Variants in NUDT19 observed in about 807,000 individuals in gnomAD.
The protein encoded by NUDT19 is acyl-coenzyme A diphosphatase NUDT19.
A neutral mutation model predicts 22.2 loss-of-function variants in NUDT19; 31 were observed. That is an observed-to-expected ratio of 1.40 (90% CI 1.05 to 1.89). NUDT19 has a LOEUF of 1.89. Among genes scored for constraint, NUDT19 ranks in the 40% most tolerant of loss-of-function variants. The pLI is 0.00. For missense variants in NUDT19, 752 were observed against 514.2 expected (o/e 1.46, Z -4.47); for synonymous variants, 325 against 230.8 (o/e 1.41, Z -3.70).
At chr19:32,697,058 CT>C (rs1389419902) in intron 1 of NUDT19, among the ~76,000 whole-genome samples, 1 of 152,012 alleles carries the variant, frequency 6.6e-6, no homozygotes, top group Admixed American at 6.6e-5. Context: ...ATAGGACAAT[CT>C]TTTTTTTAAA....
Position 32,712,135 on chromosome 19 carries a change from C to G in NUDT19, c.*178C>G. 3 of 576,844 alleles carry G rather than the reference C, an allele frequency of 5.2e-6. No homozygotes were observed. The highest frequency in any genetic ancestry group is 9.2e-6 in the Non-Finnish European group (3 of 325,650). The allele number at this position is 576,844 out of a possible 1,614,324, so 35.7% of individuals were successfully genotyped here. A position where few individuals can be genotyped will look rare whatever the true frequency, so the allele number is the denominator to read the frequency against. On this transcript the variant is annotated 3_prime_UTR_variant, in exon 3 of 3. Transcript: ENST00000397061. ...TGTCGCCCAGGCTGGAGTGCAGTGGCATGATATAGGCTCACTGGAAGCTCT... is the reference window on the plus strand; with the variant it reads ...TGTCGCCCAGGCTGGAGTGCAGTGGGATGATATAGGCTCACTGGAAGCTCT...
At chr19:32,697,703 G>A (rs1264342226) in intron 1 of NUDT19, among the ~76,000 whole-genome samples, 1 of 152,120 alleles carries the variant, frequency 6.6e-6, no homozygotes, top group Non-Finnish European at 1.5e-5. Context: ...AAACTCTTGG[G>A]CTGCAGCTAA....
intron 2 of NUDT19, 124 bp from the exon 3 acceptor site, chr19:32,711,628 A>G (rs1359653682): frequency 1.6e-6 from 1 of 628,188 alleles, no homozygotes; most frequent in East Asian, 2.7e-5. Context: ...ACTGATTTGT[A>G]TTTCATTAGT....
Position 32,692,372 on chromosome 19 carries a change from G to C in NUDT19, c.412G>C (p.Val138Leu). The C allele has an allele frequency of 1.3e-6, 2 of 1,588,538 alleles. No individual in the cohort carries two copies. Among genetic ancestry groups the C allele is most frequent in the Non-Finnish European group, 1.7e-6 (2 of 1,175,242 alleles). ...AVREAFEEAG[V>L]LLLRPRTSPP... ...GCGGGAGGCCTTTGAGGAGGCGGGC[G>C]TGCTGCTGCTGCGGCCCAGGACTTC... The change falls in exon 1 of 3, where the codon GTG becomes CTG. Residue 138 changes from valine to leucine, a missense_variant. Coordinates refer to ENST00000397061, the MANE Select transcript of NUDT19 (RefSeq NM_001105570.2).
At position 32,692,576 on chromosome 19, in the gene NUDT19, C is replaced by G; in HGVS notation, c.616C>G (p.Arg206Gly). The change falls in exon 1 of 3, where the codon CGG becomes GGG. Residue 206 changes from arginine to glycine, a missense_variant. Physicochemically the swap from Arg to Gly is moderately radical, Grantham distance 125. Transcript: ENST00000397061. ...NWSAWLTPFL[R>G]GTTRRFDTAF... ...GAGCGCCTGGCTCACCCCTTTCTTGCGGGGCACCACTCGCCGCTTTGACAC... is the reference window on the plus strand; with the variant it reads ...GAGCGCCTGGCTCACCCCTTTCTTGGGGGGCACCACTCGCCGCTTTGACAC... 6.3e-7 allele frequency: 1 copy of G among 1,592,626 alleles called. No individual in the cohort carries two copies. Among genetic ancestry groups the G allele is most frequent in the Non-Finnish European group, 8.5e-7 (1 of 1,172,130 alleles).
At chr19:32,707,839 G>A (rs952733158) in intron 1 of NUDT19, among the ~76,000 whole-genome samples, 9 of 151,916 alleles carry the variant, frequency 5.9e-5, no homozygotes, top group African/African-American at 1.5e-4. Context: ...TTAGCCGGGC[G>A]TGGTGGCAGG....
chr19:32,706,275 T>C (rs186569982), intron 1 of NUDT19, among the ~76,000 whole-genome samples: 49 of 152,332 alleles, frequency 3.2e-4, no homozygotes, highest in African/African-American at 9.6e-4. Flanking sequence ...TTTCCATGGT[T>C]TGAGTTACCC....
chr19:32,693,943 G>A (rs1389517005), intron 1 of NUDT19, among the ~76,000 whole-genome samples: 1 of 152,192 alleles, frequency 6.6e-6, no homozygotes, highest in Non-Finnish European at 1.5e-5. Context: ...GGGCAAAGAA[G>A]GGGCCCTGCA....
chr19:32,703,943 A>T (rs1301220666), intron 1 of NUDT19, among the ~76,000 whole-genome samples: 12 of 151,670 alleles, frequency 7.9e-5, no homozygotes, highest in Non-Finnish European at 5.9e-5. Context: ...GATCACAGGC[A>T]TGAGCCACCA....
intron 1 of NUDT19, among the ~76,000 whole-genome samples, chr19:32,697,058 C>T (rs1159029066): frequency 6.6e-6 from 1 of 152,014 alleles, no homozygotes; most frequent in Non-Finnish European, 1.5e-5. Flanking sequence ...ATAGGACAAT[C>T]TTTTTTTTAA....
At chr19:32,699,350 G>A (rs778794455) in intron 1 of NUDT19, among the ~76,000 whole-genome samples, 11 of 152,194 alleles carry the variant, frequency 7.2e-5, no homozygotes, top group Non-Finnish European at 1.2e-4. Flanking sequence ...GGTGAGTCTC[G>A]CCTGTGCGAC....
chr19:32,698,701 G>A (rs1046290584), intron 1 of NUDT19, among the ~76,000 whole-genome samples: 1 of 152,152 alleles, frequency 6.6e-6, no homozygotes, highest in African/African-American at 2.4e-5. Flanking sequence ...TAGACCACAA[G>A]GAGGAATGAG....
At chr19:32,697,313 T>C (rs1306329164) in intron 1 of NUDT19, among the ~76,000 whole-genome samples, 2 of 152,218 alleles carry the variant, frequency 1.3e-5, no homozygotes, top group East Asian at 3.8e-4. Flanking sequence ...CTTTTGGAGC[T>C]TTCTCCTGAT....
In NUDT19 at chr19:32,712,079, T is replaced by A; in HGVS notation, c.*122T>A. On this transcript the variant is annotated 3_prime_UTR_variant, in exon 3 of 3. Transcript: ENST00000397061. ...ATAAAAGTTACTGCAATTCAGTATTTCTTTATTTTTTTCGAGACAGAGTCT... is the reference window on the plus strand; with the variant it reads ...ATAAAAGTTACTGCAATTCAGTATTACTTTATTTTTTTCGAGACAGAGTCT... 1 of 721,910 alleles carries A rather than the reference T, an allele frequency of 1.4e-6. No individual in the cohort carries two copies. Among genetic ancestry groups the A allele is most frequent in the Non-Finnish European group, 2.4e-6 (1 of 413,282 alleles). The allele number at this position is 721,910 out of a possible 1,614,324, so 44.7% of individuals were successfully genotyped here.
Position 32,711,938 on chromosome 19 carries a change from T to G in NUDT19, c.1109T>G (p.Val370Gly). The change falls in exon 3 of 3, where the codon GTA becomes GGA. Residue 370 changes from valine (V) to glycine (G), a missense_variant. Transcript: ENST00000397061. ...YKHVYPKNSVVRKSHL is the reference protein window; with the variant it reads ...YKHVYPKNSVGRKSHL Reference sequence around the variant, plus strand: ...CACGTTTATCCTAAGAACTCTGTAGTAAGAAAAAGCCATTTGTAGGGTGCT... The same window carrying G: ...CACGTTTATCCTAAGAACTCTGTAGGAAGAAAAAGCCATTTGTAGGGTGCT... 1 of 1,613,368 alleles carries G rather than the reference T, an allele frequency of 6.2e-7. No individual in the cohort carries two copies. Among genetic ancestry groups the G allele is most frequent in the Non-Finnish European group, 8.5e-7 (1 of 1,179,402 alleles).
chr19:32,697,248 C>T (rs1413571981), intron 1 of NUDT19, among the ~76,000 whole-genome samples: 5 of 152,132 alleles, frequency 3.3e-5, no homozygotes, highest in African/African-American at 1.2e-4. Flanking sequence ...TTATAGAACA[C>T]TGAGGTTGCC....
chr19:32,706,598 G>A (rs1176053505), intron 1 of NUDT19, among the ~76,000 whole-genome samples: 3 of 152,116 alleles, frequency 2.0e-5, no homozygotes, highest in East Asian at 3.9e-4. Flanking sequence ...CAGGAAAATC[G>A]CTTGAACCCA....
chr19:32,692,692 C>T lies in NUDT19; in HGVS notation c.714+18C>T. ...GCTACCAGGTAAGGCCTGCTCAGGGCCTTGCTGCGGACCGCCAGGACGTGA... is the reference window on the plus strand; with the variant it reads ...GCTACCAGGTAAGGCCTGCTCAGGGTCTTGCTGCGGACCGCCAGGACGTGA... On this transcript the variant is annotated intron_variant, in intron 1 of 2. Transcript: ENST00000397061. 3 of 1,447,654 alleles carry T rather than the reference C, an allele frequency of 2.1e-6. No individual in the cohort carries two copies. Among genetic ancestry groups the T allele is most frequent in the African/African-American group, 1.5e-5 (1 of 67,372 alleles). The allele number at this position is 1,447,654 out of a possible 1,614,324, so 89.7% of individuals were successfully genotyped here.
chr19:32,711,687 A>G, intron 2 of NUDT19, 65 bp from the exon 3 acceptor site: 2 of 891,230 alleles, frequency 2.2e-6, no homozygotes, highest in Middle Eastern at 2.4e-4. Flanking sequence ...AAAATTTTAT[A>G]CTTTCTGCCA....
Sources: gnomAD v4.1 joint callset for allele counts (sites outside exome capture counted in the v4.1 genomes callset) on GRCh38, gnomAD v4.1.1 for gene constraint, MANE v1.5 for transcripts, NCBI Gene and HGNC (gene_info 2026-07-23, HGNC 2026-07-21) for gene names.